GLRA3: variants seen among roughly 807,000 people sequenced by gnomAD.
GLRA3 encodes glycine receptor alpha 3, also known as glycine receptor subunit alpha-3.
GLRA3 carries 44 observed loss-of-function variants against 60.4 expected under a neutral mutation model. The ratio of observed to expected loss-of-function variants is 0.73; its 90% confidence interval spans 0.57 to 0.94. The LOEUF (loss-of-function observed/expected upper bound fraction) is 0.94, where lower values mean the gene tolerates loss of function less well. Among genes scored for constraint, GLRA3 ranks in the 40% least tolerant of loss-of-function variants. The pLI, the probability that GLRA3 is intolerant of heterozygous loss-of-function variation, is 0.00. For synonymous variants in GLRA3, 223 were observed against 192.9 expected (o/e 1.16, Z -1.29); for missense variants, 508 against 564.6 (o/e 0.90, Z 1.02).
At chr4:174,646,264 C>T (rs560226168) in intron 9 of GLRA3, among the ~76,000 whole-genome samples, 127 of 152,274 alleles carry the variant, frequency 8.3e-4, no homozygotes, top group African/African-American at 3.1e-3. Flanking sequence ...TCTTTAGAGA[C>T]CTTAGCTGCT....
Position 174,767,043 on chromosome 4 carries a change from T to A in GLRA3, c.200-13A>T. 3 of 1,521,516 alleles carry A rather than the reference T, an allele frequency of 2.0e-6. No individual in the cohort carries two copies. Among genetic ancestry groups the A allele is most frequent in the African/African-American group, 1.4e-5 (1 of 73,236 alleles). The allele number at this position is 1,521,516 out of a possible 1,614,324, so 94.3% of individuals were successfully genotyped here. ...TTAACTGGAGGGCCTGAAAAAGAGA[T>A]GAAAACATAAGGGCTGTTTAGAGAC... On this transcript the variant is annotated splice_polypyrimidine_tract_variant and intron_variant, in intron 2 of 9. Coordinates refer to ENST00000274093, the MANE Select transcript of GLRA3 (RefSeq NM_006529.4).
intron 1 of GLRA3, among the ~76,000 whole-genome samples, chr4:174,813,234 A>G (rs1261510034): frequency 6.6e-6 from 1 of 152,236 alleles, no homozygotes; most frequent in Non-Finnish European, 1.5e-5. Flanking sequence ...TACCTTTTAC[A>G]GAGTGATGAG....
intron 3 of GLRA3, among the ~76,000 whole-genome samples, chr4:174,745,547 C>G (rs995032999): frequency 3.9e-5 from 6 of 152,096 alleles, no homozygotes; most frequent in Non-Finnish European, 4.4e-5. Flanking sequence ...TAAGTGCTGA[C>G]TTTTCCCTAT....
At chr4:174,771,087 TG>T (rs1182139882) in intron 2 of GLRA3, among the ~76,000 whole-genome samples, 1 of 69,328 alleles carries the variant, frequency 1.4e-5, no homozygotes, top group Non-Finnish European at 2.6e-5. Context: ...TGTTGTGGGG[TG>T]GGGGGAGGGG....
At chr4:174,715,327 T>C (rs1735873286) in intron 5 of GLRA3, among the ~76,000 whole-genome samples, 161 bp downstream of exon 5, 2 of 152,220 alleles carry the variant, frequency 1.3e-5, no homozygotes, top group South Asian at 4.1e-4. Flanking sequence ...GTGCATGTGT[T>C]GATAGGTATC....
rs776756576 is a variant in GLRA3, at chr4:174,728,651, G to A, written c.315C>T (p.Arg105=). The change falls in exon 4 of 10, where the codon CGC becomes CGT. Residue 105 remains arginine, a synonymous_variant. Transcript: ENST00000274093. The part of the protein sequence containing the change: ...IFLRQKWNDP[R]LAYSEYPDDS... ...CGTCAGGATATTCACTGTACGCGAG[G>A]CGGGGATCATTCCATTTCTGACGAA... is the stretch of plus-strand genomic sequence containing the variant. The A allele has an allele frequency of 3.1e-6, 5 of 1,610,886 alleles. No individual in the cohort carries two copies. The East Asian group carries it at 1.1e-4, about 36-fold the overall frequency.
chr4:174,645,456 T>C (rs1184866401), intron 9 of GLRA3, among the ~76,000 whole-genome samples: 1 of 151,090 alleles, frequency 6.6e-6, no homozygotes, highest in African/African-American at 2.4e-5. Context: ...ATGTTGGTTC[T>C]GTGAAAGTAG....
At position 174,728,588 on chromosome 4, in the gene GLRA3, A is replaced by T. The variant is rs1736411955; in HGVS notation, c.378T>A (p.Ile126=). 6.2e-7 allele frequency: 1 copy of T among 1,612,622 alleles called. No individual in the cohort carries two copies. The highest frequency in any genetic ancestry group is 8.5e-7 in the Non-Finnish European group (1 of 1,178,714). ...LDLDPSMLDS[I]WKPDLFFANE... ...TGGCAAAGAACAAATCAGGTTTCCAAATGGAGTCCAACATGGAGGGGTCGA... is the reference window on the plus strand; with the variant it reads ...TGGCAAAGAACAAATCAGGTTTCCATATGGAGTCCAACATGGAGGGGTCGA... The change falls in exon 4 of 10, where the codon ATT becomes ATA. Residue 126 remains isoleucine (I), a synonymous_variant. Coordinates refer to ENST00000274093, the MANE Select transcript of GLRA3 (RefSeq NM_006529.4).
intron 1 of GLRA3, among the ~76,000 whole-genome samples, chr4:174,790,407 T>C (rs1449145735): frequency 1.3e-5 from 2 of 152,096 alleles, no homozygotes; most frequent in Non-Finnish European, 2.9e-5. Flanking sequence ...ACCTATCTTC[T>C]CAATGACTCT....
At chr4:174,806,138 G>A (rs1204804156) in intron 1 of GLRA3, among the ~76,000 whole-genome samples, 2 of 151,924 alleles carry the variant, frequency 1.3e-5, no homozygotes, top group African/African-American at 2.4e-5. Context: ...TTTAAATCTG[G>A]GATGTTCAAT....
At chr4:174,790,823 T>TAAAAA (rs1739308791) in intron 1 of GLRA3, among the ~76,000 whole-genome samples, 3 of 16,964 alleles carry the variant, frequency 1.8e-4, no homozygotes, top group African/African-American at 2.7e-4. Context: ...TACTAAAAAA[T>TAAAAA]ACAAAAAAAA....
At position 174,670,044 on chromosome 4, in the gene GLRA3, A is replaced by C. The variant is rs544110257; in HGVS notation, c.927+7034T>G. 1.4e-4 allele frequency among the ~76,000 whole-genome samples: 21 copies of C among 152,336 alleles called. 1 individual carries two copies. The South Asian group carries it at 4.3e-3, about 32-fold the overall frequency. On this transcript the variant is annotated intron_variant, in intron 7 of 9. Transcript: ENST00000274093. The stretch of plus-strand genomic sequence containing the variant: ...AGTTATCTCTGACTCCCACTTCAGT[A>C]ACTGGAGTTTTACCATCATTTTTTC...
intron 1 of GLRA3, among the ~76,000 whole-genome samples, chr4:174,809,290 T>C (rs1740170581): frequency 6.6e-6 from 1 of 152,214 alleles, no homozygotes; most frequent in South Asian, 2.1e-4. Flanking sequence ...TGGTGTGCAG[T>C]AGGCTATTCC....
chr4:174,801,999 GATAA>G (rs1211721393), intron 1 of GLRA3, among the ~76,000 whole-genome samples: 7 of 151,768 alleles, frequency 4.6e-5, no homozygotes, highest in African/African-American at 1.4e-4. Flanking sequence ...AAAGTATCTA[GATAA>G]ATATTTTTGA....
chr4:174,638,482 A>C lies in GLRA3; in HGVS notation c.*5304T>G, dbSNP rs1732554581. 1 of 152,082 alleles carries C rather than the reference A, an allele frequency of 6.6e-6. No individual in the cohort carries two copies. Among genetic ancestry groups the C allele is most frequent in the Non-Finnish European group, 1.5e-5 (1 of 68,066 alleles). 9.4% of individuals were successfully genotyped at this position (152,082 alleles called of 1,614,324 possible). ...GCTAATTTTTGTATTTTTAGTAGAG[A>C]CAGGGTTTTATCATATTGGCCAGGC... On this transcript the variant is annotated 3_prime_UTR_variant, in exon 10 of 10. Transcript: ENST00000274093.
chr4:174,783,800 C>A (rs1183840046), intron 2 of GLRA3, among the ~76,000 whole-genome samples: 1 of 151,866 alleles, frequency 6.6e-6, no homozygotes, highest in Non-Finnish European at 1.5e-5. Flanking sequence ...GAGTGGCAAT[C>A]ATTAAAAAGT....
At chr4:174,664,847 T>C (rs577127762) in intron 7 of GLRA3, among the ~76,000 whole-genome samples, 45 of 152,362 alleles carry the variant, frequency 3.0e-4, no homozygotes, top group Non-Finnish European at 5.6e-4. Context: ...TTTTTGTTTT[T>C]TATTCAACAT....
chr4:174,774,442 A>G (rs1278648801), intron 2 of GLRA3, among the ~76,000 whole-genome samples: 1 of 145,474 alleles, frequency 6.9e-6, no homozygotes, highest in Non-Finnish European at 1.5e-5. Flanking sequence ...GTATATATAG[A>G]TATATCCTGG....
intron 5 of GLRA3, among the ~76,000 whole-genome samples, chr4:174,685,016 A>C (rs970234815): frequency 6.6e-6 from 1 of 152,132 alleles, no homozygotes; most frequent in Non-Finnish European, 1.5e-5. Context: ...TCAAAAAACA[A>C]AACAAAACAA....
Sources: allele counts gnomAD v4.1 joint callset (sites outside exome capture counted in the v4.1 genomes callset), GRCh38; gene constraint gnomAD v4.1.1; transcripts MANE v1.5; gene names NCBI Gene and HGNC (gene_info 2026-07-23, HGNC 2026-07-21).